MAP2K1: variants seen among roughly 807,000 people sequenced by gnomAD.
The protein encoded by MAP2K1 is dual specificity mitogen-activated protein kinase kinase 1.
MAP2K1 carries 16 observed loss-of-function variants against 46.3 expected under a neutral mutation model. That is an observed-to-expected ratio of 0.35 (90% CI 0.23 to 0.52). The LOEUF is 0.52. Ranked by LOEUF, MAP2K1 falls within the 20% of genes least tolerant of loss-of-function variation. The pLI, the probability that MAP2K1 is intolerant of heterozygous loss-of-function variation, is 0.94. For missense variants in MAP2K1, 263 were observed against 497.1 expected (o/e 0.53, Z 4.48); for synonymous variants, 183 against 185.6 (o/e 0.99, Z 0.11).
At chr15:66,407,418 T>C (rs905890141) in intron 1 of MAP2K1, among the ~76,000 whole-genome samples, 6 of 152,194 alleles carry the variant, frequency 3.9e-5, no homozygotes, top group African/African-American at 1.4e-4. Context: ...GGAATAACAG[T>C]CCCTTGTGTA....
At position 66,387,243 on chromosome 15, in the gene MAP2K1, C is replaced by A. The variant is rs1382925325; in HGVS notation, c.-105C>A. On this transcript the variant is annotated 5_prime_UTR_variant, in exon 1 of 11. Transcript: ENST00000307102. ...CCGCTGAAGGCAGCCCCGGGGCCCGCGGCCCGGACTTGGTCCTGCGCAGCG... is the reference window on the plus strand; with the variant it reads ...CCGCTGAAGGCAGCCCCGGGGCCCGAGGCCCGGACTTGGTCCTGCGCAGCG... 1.1e-6 allele frequency: 1 copy of A among 946,210 alleles called. No homozygotes were observed. The highest frequency in any genetic ancestry group is 1.6e-6 in the Non-Finnish European group (1 of 638,616). The allele number at this position is 946,210 out of a possible 1,614,324, so 58.6% of individuals were successfully genotyped here. A position where few individuals can be genotyped will look rare whatever the true frequency, so the allele number is the denominator to read the frequency against.
intron 5 of MAP2K1, among the ~76,000 whole-genome samples, chr15:66,448,524 CAAA>C (rs1017501452): frequency 1.3e-5 from 2 of 152,130 alleles, no homozygotes; most frequent in Non-Finnish European, 2.9e-5. Flanking sequence ...AAATGAAGCA[CAAA>C]GAAGAATATT....
intron 5 of MAP2K1, among the ~76,000 whole-genome samples, chr15:66,470,053 C>T (rs1892584852): frequency 7.0e-6 from 1 of 142,078 alleles, no homozygotes; most frequent in Admixed American, 7.1e-5. Context: ...TTTTCTTTTG[C>T]TGGCCGTTTT....
chr15:66,397,949 A>G (rs1035136487), intron 1 of MAP2K1, among the ~76,000 whole-genome samples: 1 of 152,122 alleles, frequency 6.6e-6, no homozygotes, highest in Admixed American at 6.6e-5. Context: ...TAAAAATACA[A>G]AAATTAGCCA....
At chr15:66,446,411 A>G (rs889537039) in intron 5 of MAP2K1, 1 of 162,388 alleles carries the variant, frequency 6.2e-6, no homozygotes, top group Non-Finnish European at 1.3e-5. Flanking sequence ...ACTGCACTCC[A>G]GCCTGGGCGA....
At chr15:66,389,643 C>T (rs1020513765) in intron 1 of MAP2K1, among the ~76,000 whole-genome samples, 6 of 139,774 alleles carry the variant, frequency 4.3e-5, no homozygotes, top group Admixed American at 7.7e-5. Flanking sequence ...GGTGCGATCT[C>T]GGCTCACCAC....
At chr15:66,489,871 G>A (rs1188341569) in intron 10 of MAP2K1, 108 bp downstream of exon 10, 1 of 952,854 alleles carries the variant, frequency 1.0e-6, no homozygotes, top group South Asian at 1.3e-5. Context: ...TGCCCACTGT[G>A]GTCCAGCTGA....
chr15:66,476,516 C>G (rs534150031), intron 5 of MAP2K1, among the ~76,000 whole-genome samples: 39 of 152,276 alleles, frequency 2.6e-4, no homozygotes, highest in Admixed American at 9.8e-4. Flanking sequence ...TTTTTAGATG[C>G]AAGGACCAGC....
intron 1 of MAP2K1, among the ~76,000 whole-genome samples, chr15:66,413,540 C>T (rs950028287): frequency 3.3e-5 from 5 of 152,204 alleles, no homozygotes; most frequent in Admixed American, 2.0e-4. Context: ...TGGCAGATTT[C>T]ACACAGCTAA....
intron 1 of MAP2K1, among the ~76,000 whole-genome samples, chr15:66,426,833 T>C (rs1309948297): frequency 6.6e-6 from 1 of 152,212 alleles, no homozygotes; most frequent in East Asian, 1.9e-4. Context: ...GTGCTAAAAT[T>C]CTCTAATCCT....
chr15:66,434,652 AAAC>A (rs1386006167), intron 1 of MAP2K1, among the ~76,000 whole-genome samples: 1 of 152,204 alleles, frequency 6.6e-6, no homozygotes, highest in Non-Finnish European at 1.5e-5. Context: ...CGTATGGTAA[AAAC>A]AATAAAACCA....
chr15:66,482,016 C>A, intron 6 of MAP2K1, 137 bp downstream of exon 6: 1 of 1,092,782 alleles, frequency 9.2e-7, no homozygotes, highest in Non-Finnish European at 1.3e-6. Flanking sequence ...GTGCTCTGCC[C>A]TGAGGAGATG....
Position 66,491,185 on chromosome 15 carries a change from C to A in MAP2K1, c.*570C>A. On this transcript the variant is annotated 3_prime_UTR_variant, in exon 11 of 11. Coordinates refer to ENST00000307102, the MANE Select transcript of MAP2K1 (RefSeq NM_002755.4). ...TTGACATCCAAATCTAGCCAGAGCCCTTCACTGCCATGATAGCTGGGGCTT... is the reference window on the plus strand; with the variant it reads ...TTGACATCCAAATCTAGCCAGAGCCATTCACTGCCATGATAGCTGGGGCTT... The A allele has an allele frequency of 3.8e-6, 1 of 265,428 alleles. No homozygotes were observed. Among genetic ancestry groups the A allele is most frequent in the Admixed American group, 4.8e-5 (1 of 21,048 alleles). 16.4% of individuals were successfully genotyped at this position (265,428 alleles called of 1,614,324 possible).
At chr15:66,475,958 T>C (rs1040306929) in intron 5 of MAP2K1, among the ~76,000 whole-genome samples, 1 of 152,222 alleles carries the variant, frequency 6.6e-6, no homozygotes, top group African/African-American at 2.4e-5. Context: ...AAATACTTAA[T>C]AGTTAAACTT....
rs370864571 is a variant in MAP2K1 at position 66,397,826 on chromosome 15, A to G, written c.80+10399A>G. Among the ~76,000 whole-genome samples the G allele has an allele frequency of 5.3e-5, 8 of 152,298 alleles. No individual in the cohort carries two copies. In the East Asian group the frequency reaches 1.5e-3, roughly 29 times the overall value. ...GTCTCTTAAAAAGTCAGTATAGGCC[A>G]TTTGCGGTGGCTCACGCCTGTAATC... On this transcript the variant is annotated intron_variant, in intron 1 of 10. Transcript: ENST00000307102.
intron 5 of MAP2K1, among the ~76,000 whole-genome samples, chr15:66,472,075 C>CAAAAAAAAAAA (rs56820379): frequency 1.9e-4 from 17 of 91,540 alleles, no homozygotes; most frequent in Non-Finnish European, 2.7e-4. Context: ...GACTCCATCT[C>CAAAAAAAAAAA]AAAAAAAAAA....
chr15:66,474,342 G>A (rs1412931842), intron 5 of MAP2K1, among the ~76,000 whole-genome samples: 1 of 152,160 alleles, frequency 6.6e-6, no homozygotes, highest in Non-Finnish European at 1.5e-5. Context: ...TCTGGTTCCT[G>A]CTGTTAGCAC....
At chr15:66,438,037 A>G (rs1307797061) in intron 3 of MAP2K1, among the ~76,000 whole-genome samples, 1 of 121,106 alleles carries the variant, frequency 8.3e-6, no homozygotes, top group Non-Finnish European at 1.8e-5. Context: ...TTTTTTTTTA[A>G]TTTATTTTTA....
Position 66,490,550 on chromosome 15 carries a change from G to A in MAP2K1, c.1117G>A (p.Gly373Ser). 1 of 1,614,182 alleles carries A rather than the reference G, an allele frequency of 6.2e-7. No homozygotes were observed. The highest frequency in any genetic ancestry group is 2.2e-5 in the East Asian group (1 of 44,880). ...RSDAEEVDFAGWLCSTIGLNQ... is the reference protein window; with the variant it reads ...RSDAEEVDFASWLCSTIGLNQ... ...TGATGCTGAGGAAGTGGATTTTGCA[G>A]GTTGGCTCTGCTCCACCATCGGCCT... The change falls in exon 11 of 11, where the codon GGT becomes AGT. Residue 373 changes from glycine (G) to serine (S), a missense_variant. Coordinates refer to ENST00000307102, the MANE Select transcript of MAP2K1 (RefSeq NM_002755.4).
Sources: allele counts gnomAD v4.1 joint callset (sites outside exome capture counted in the v4.1 genomes callset), GRCh38; gene constraint gnomAD v4.1.1; transcripts MANE v1.5; gene names NCBI Gene and HGNC (gene_info 2026-07-23, HGNC 2026-07-21).